Variants in VPS39 observed in about 807,000 individuals in gnomAD.
VPS39 encodes the protein VPS39 subunit of HOPS complex.
Under a neutral mutation model 121.0 loss-of-function variants are expected in VPS39, and 70 were observed. That is an observed-to-expected ratio of 0.58 (90% CI 0.48 to 0.71). The LOEUF is 0.71. VPS39 is among the 30% of genes least tolerant of loss of function. The probability of loss-of-function intolerance (pLI) is 0.00; values close to 1 mark genes in which losing one functional copy is unlikely to be tolerated. For synonymous variants in VPS39, 378 were observed against 398.1 expected (o/e 0.95, Z 0.60); for missense variants, 818 against 1,051.5 (o/e 0.78, Z 3.07).
At position 42,167,424 on chromosome 15, in the gene VPS39, G is replaced by C; in HGVS notation, c.1347C>G (p.Ile449Met). The change falls in exon 13 of 25, where the codon ATC becomes ATG. Residue 449 changes from isoleucine to methionine, a missense_variant. Transcript: ENST00000318006. ...IKSKKKLLQI[I>M]DTTLLKCYLH... ...GATAGCACTTGAGCAGGGTGGTGTCGATGATTTGTAGCAGCTTCTTCTTGG... is the reference window on the plus strand; with the variant it reads ...GATAGCACTTGAGCAGGGTGGTGTCCATGATTTGTAGCAGCTTCTTCTTGG... 6.2e-7 allele frequency: 1 copy of C among 1,614,158 alleles called. No individual in the cohort carries two copies.
intron 2 of VPS39, among the ~76,000 whole-genome samples, chr15:42,192,788 T>G (rs1346637328): frequency 1.8e-5 from 2 of 109,672 alleles, no homozygotes; most frequent in Non-Finnish European, 3.5e-5. Flanking sequence ...TTTTGTTTTG[T>G]TTTTTTTTGA....
intron 8 of VPS39, among the ~76,000 whole-genome samples, chr15:42,179,790 T>C (rs1052023668): frequency 6.6e-6 from 1 of 152,120 alleles, no homozygotes; most frequent in South Asian, 2.1e-4. Flanking sequence ...ATGGCTGCTA[T>C]GGTTTGGCTA....
chr15:42,201,385 C>G (rs1339414514), intron 1 of VPS39, among the ~76,000 whole-genome samples: 1 of 152,082 alleles, frequency 6.6e-6, no homozygotes, highest in Admixed American at 6.6e-5. Context: ...ACAATATTGC[C>G]CAATCTGGTC....
At chr15:42,167,369 G>T (rs767131331) in intron 13 of VPS39, 25 bp downstream of exon 13, 1 of 1,612,378 alleles carries the variant, frequency 6.2e-7, no homozygotes, top group Non-Finnish European at 8.5e-7. Flanking sequence ...GGGAATTGTG[G>T]CACCCGAGCG....
intron 11 of VPS39, among the ~76,000 whole-genome samples, chr15:42,173,035 C>G (rs535523397): frequency 1.2e-4 from 18 of 152,148 alleles, no homozygotes; most frequent in Admixed American, 5.2e-4. Context: ...ATAGATTGAT[C>G]CAAATTAAGC....
chr15:42,177,414 G>C (rs757450262), intron 10 of VPS39, among the ~76,000 whole-genome samples: 8 of 152,082 alleles, frequency 5.3e-5, no homozygotes, highest in African/African-American at 1.7e-4. Context: ...AAACATTACA[G>C]TAAGCATCAT....
chr15:42,165,654 C>T, intron 17 of VPS39, 64 bp downstream of exon 17: 2 of 1,337,760 alleles, frequency 1.5e-6, no homozygotes, highest in Non-Finnish European at 2.1e-6. Flanking sequence ...AGCCCGATAA[C>T]AGAACCACGC....
chr15:42,165,851 C>A, intron 16 of VPS39, 35 bp from the exon 17 acceptor site: 1 of 1,577,488 alleles, frequency 6.3e-7, no homozygotes, highest in South Asian at 1.1e-5. Context: ...GCAGCAGAAC[C>A]ATCTGACTGC....
Position 42,159,796 on chromosome 15 carries a change from C to G in VPS39, c.*958G>C, listed in dbSNP as rs2049094513. 1 of 152,422 alleles carries G rather than the reference C, an allele frequency of 6.6e-6. No homozygotes were observed. The highest frequency in any genetic ancestry group is 2.4e-5 in the African/African-American group (1 of 41,460). 9.4% of individuals were successfully genotyped at this position (152,422 alleles called of 1,614,324 possible). A position where few individuals can be genotyped will look rare whatever the true frequency, so the allele number is the denominator to read the frequency against. ...AACTGGCTGGAAAAAGAGAAAGGGC[C>G]CAGAGCACAAAATCGCCACGCACAA... On this transcript the variant is annotated 3_prime_UTR_variant, in exon 25 of 25. Coordinates refer to ENST00000318006, the MANE Select transcript of VPS39 (RefSeq NM_015289.5).
At chr15:42,189,315 G>A in intron 4 of VPS39, 107 bp from the exon 5 acceptor site, 1 of 782,232 alleles carries the variant, frequency 1.3e-6, no homozygotes, top group Admixed American at 2.0e-5. Flanking sequence ...GAAGCAAATG[G>A]CAGATGTTGG....
intron 2 of VPS39, among the ~76,000 whole-genome samples, chr15:42,197,320 T>A (rs1194437590): frequency 7.8e-6 from 1 of 128,626 alleles, no homozygotes; most frequent in Admixed American, 7.8e-5. Context: ...GAACTTAAAG[T>A]ATAATTAAAA....
intron 4 of VPS39, among the ~76,000 whole-genome samples, chr15:42,190,253 C>G (rs2049799450): frequency 6.6e-6 from 1 of 152,130 alleles, no homozygotes; most frequent in Non-Finnish European, 1.5e-5. Flanking sequence ...TTGTACTAAC[C>G]CATGGCAATG....
intron 1 of VPS39, among the ~76,000 whole-genome samples, chr15:42,200,910 T>C (rs1307578912): frequency 2.0e-5 from 3 of 152,140 alleles, no homozygotes; most frequent in African/African-American, 7.2e-5. Context: ...ACAACACAGA[T>C]GAACCTAAAA....
rs1283655786 is a variant in VPS39, at chr15:42,166,755, A to G, written c.1519+17T>C. The G allele has an allele frequency of 6.2e-7, 1 of 1,613,338 alleles. No individual in the cohort carries two copies. The highest frequency in any genetic ancestry group is 1.3e-5 in the African/African-American group (1 of 74,910). On this transcript the variant is annotated intron_variant, in intron 14 of 24. Transcript: ENST00000318006. The stretch of plus-strand genomic sequence containing the variant: ...TGTACAAGAGCCCCTCCCAGATCCA[A>G]GGAACCACTCCCACACCTTTCTCGT...
intron 9 of VPS39, 21 bp downstream of exon 9, chr15:42,178,429 G>A (rs1014455198): frequency 1.2e-6 from 2 of 1,614,000 alleles, no homozygotes; most frequent in African/African-American, 2.7e-5. Flanking sequence ...TACAGCCATA[G>A]CAAAAAAAGA....
In VPS39 at chr15:42,160,799, G is replaced by A. The variant is rs910834678; in HGVS notation, c.2583C>T (p.Val861=). The A allele has an allele frequency of 6.2e-6, 10 of 1,614,130 alleles. No individual in the cohort carries two copies. Among genetic ancestry groups the A allele is most frequent in the Middle Eastern group, 1.7e-4 (1 of 6,060 alleles). Reference sequence around the variant, plus strand: ...CCTCTTTGGAACAGAAGTAATGGACGACCACTCCATTGGGGTATCTTGCAA... The same window carrying A: ...CCTCTTTGGAACAGAAGTAATGGACAACCACTCCATTGGGGTATCTTGCAA... The part of the protein sequence containing the change: ...SAFARYPNGV[V]VHYFCSKEVN... The change falls in exon 25 of 25, where the codon GTC becomes GTT. Residue 861 remains valine (V), a synonymous_variant. Transcript: ENST00000318006.
In VPS39 at chr15:42,208,083, C is replaced by CA; in HGVS notation, c.70dup (p.Trp24LeufsTer18). 1 of 1,581,320 alleles carries CA rather than the reference C, an allele frequency of 6.3e-7. No individual in the cohort carries two copies. The highest frequency in any genetic ancestry group is 8.6e-7 in the Non-Finnish European group (1 of 1,163,028). ...GGCCCCGCGGCCCCTCGGCTCACCC[C>CA]AGGCAGCCAGACAGTCGATTTGCAG... On this transcript the variant is annotated frameshift_variant, in exon 1 of 25. Coordinates refer to ENST00000318006, the MANE Select transcript of VPS39 (RefSeq NM_015289.5). LOFTEE classifies it high-confidence loss of function.
intron 2 of VPS39, among the ~76,000 whole-genome samples, chr15:42,197,363 G>GA (rs1200291279): frequency 6.2e-5 from 9 of 144,826 alleles, no homozygotes; most frequent in African/African-American, 2.3e-4. Flanking sequence ...AAAAAAAAAA[G>GA]AAAAAATCTA....
chr15:42,203,152 G>A (rs2050100588), intron 1 of VPS39, among the ~76,000 whole-genome samples: 1 of 152,064 alleles, frequency 6.6e-6, no homozygotes, highest in South Asian at 2.1e-4. Flanking sequence ...CCAACATGGT[G>A]AAACCCCGTC....
Sources: allele counts gnomAD v4.1 joint callset (sites outside exome capture counted in the v4.1 genomes callset), GRCh38; gene constraint gnomAD v4.1.1; transcripts MANE v1.5; gene names NCBI Gene and HGNC (gene_info 2026-07-23, HGNC 2026-07-21).